ZEB1: variants seen among roughly 807,000 people sequenced by gnomAD.
The protein encoded by ZEB1 is zinc finger E-box-binding homeobox 1.
Under a neutral mutation model 84.9 loss-of-function variants are expected in ZEB1, and 21 were observed. The ratio of observed to expected loss-of-function variants is 0.25; its 90% CI spans 0.18 to 0.36. The LOEUF is 0.36. Among genes scored for constraint, ZEB1 ranks in the 10% least tolerant of loss-of-function variants. The probability of loss-of-function intolerance (pLI) is 1.00; values close to 1 mark genes in which losing one functional copy is unlikely to be tolerated. For synonymous variants in ZEB1, 420 were observed against 471.1 expected (o/e 0.89, Z 1.41); for missense variants, 1,104 against 1,330.2 (o/e 0.83, Z 2.65).
At chr10:31,355,827 A>G (rs1253916770) in intron 1 of ZEB1, among the ~76,000 whole-genome samples, 2 of 152,176 alleles carry the variant, frequency 1.3e-5, no homozygotes, top group East Asian at 1.9e-4. Context: ...TTTTTGACCT[A>G]TATCCTAAGG....
intron 1 of ZEB1, among the ~76,000 whole-genome samples, chr10:31,391,231 T>TGTGTG (rs2049615056): frequency 7.4e-6 from 1 of 134,690 alleles, no homozygotes; most frequent in Non-Finnish European, 1.6e-5. Context: ...ACAGGTAAGT[T>TGTGTG]TGTGTGTGTG....
At chr10:31,426,610 G>A (rs1359701511) in intron 1 of ZEB1, among the ~76,000 whole-genome samples, 1 of 152,106 alleles carries the variant, frequency 6.6e-6, no homozygotes, top group Non-Finnish European at 1.5e-5. Context: ...ACTGTTCCTA[G>A]TGCACAAGCT....
At chr10:31,426,711 T>C (rs2056975246) in intron 1 of ZEB1, among the ~76,000 whole-genome samples, 1 of 152,108 alleles carries the variant, frequency 6.6e-6, no homozygotes, top group South Asian at 2.1e-4. Flanking sequence ...CAGAAATCTC[T>C]AGTTTGAATT....
chr10:31,456,359 AC>A (rs1228090425), intron 1 of ZEB1, among the ~76,000 whole-genome samples: 2 of 152,098 alleles, frequency 1.3e-5, no homozygotes, highest in African/African-American at 4.8e-5. Flanking sequence ...TACCTATGTA[AC>A]CTGCACGTTC....
intron 4 of ZEB1, among the ~76,000 whole-genome samples, chr10:31,510,164 G>A (rs527452675): frequency 1.3e-5 from 2 of 152,208 alleles, no homozygotes; most frequent in East Asian, 3.9e-4. Flanking sequence ...GAAACATAGT[G>A]TGTGTGTACT....
intron 1 of ZEB1, among the ~76,000 whole-genome samples, chr10:31,455,349 T>C (rs1033731320): frequency 1.3e-5 from 2 of 152,160 alleles, no homozygotes; most frequent in African/African-American, 2.4e-5. Context: ...GTCATAGGCA[T>C]GGGCAAAGAC....
intron 1 of ZEB1, among the ~76,000 whole-genome samples, chr10:31,330,304 G>A (rs2036476088): frequency 6.6e-6 from 1 of 152,176 alleles, no homozygotes; most frequent in African/African-American, 2.4e-5. Context: ...AGGAACACAA[G>A]TCCTACTTCC....
intron 4 of ZEB1, among the ~76,000 whole-genome samples, chr10:31,503,992 A>C (rs1436780167): frequency 7.2e-6 from 1 of 138,234 alleles, no homozygotes; most frequent in East Asian, 1.9e-4. Context: ...GCAGATATTC[A>C]CTCTGTTGTT....
chr10:31,404,062 A>G (rs1480145582), intron 1 of ZEB1, among the ~76,000 whole-genome samples: 2 of 152,104 alleles, frequency 1.3e-5, no homozygotes, highest in Non-Finnish European at 2.9e-5. Context: ...CAAGTTATAA[A>G]GATTCAGTAT....
chr10:31,493,928 CAAAT>C (rs2066886112), intron 2 of ZEB1, among the ~76,000 whole-genome samples: 1 of 151,910 alleles, frequency 6.6e-6, no homozygotes, highest in Non-Finnish European at 1.5e-5. Flanking sequence ...AATGAAGAAA[CAAAT>C]AAATTAATCA....
In ZEB1 at chr10:31,409,923, GT is replaced by G. The variant is rs1182425628; in HGVS notation, c.59-51110del. Among the ~76,000 whole-genome samples, 5 of 152,320 alleles carry G rather than the reference GT, an allele frequency of 3.3e-5. No individual in the cohort carries two copies. In the East Asian group the frequency reaches 9.6e-4, roughly 29 times the overall value. The stretch of plus-strand genomic sequence containing the variant: ...GGAGATTTGGGGCTGAGACAATGAG[GT>G]TTTCTAAATATGCAATCATGTCATC... On this transcript the variant is annotated intron_variant, in intron 1 of 8. Transcript: ENST00000424869.
At chr10:31,438,965 CATT>C (rs2136436730) in intron 1 of ZEB1, among the ~76,000 whole-genome samples, 1 of 152,312 alleles carries the variant, frequency 6.6e-6, no homozygotes, top group African/African-American at 2.4e-5. Flanking sequence ...CCACTAGCAA[CATT>C]ATGCTGAAAA....
chr10:31,434,812 A>G (rs1260280915), intron 1 of ZEB1, among the ~76,000 whole-genome samples: 1 of 152,218 alleles, frequency 6.6e-6, no homozygotes, highest in East Asian at 1.9e-4. Context: ...AAGAGCATCA[A>G]TAAAGCAGCA....
intron 1 of ZEB1, among the ~76,000 whole-genome samples, chr10:31,376,733 A>G (rs1250773795): frequency 2.0e-5 from 3 of 151,644 alleles, no homozygotes; most frequent in African/African-American, 7.2e-5. Context: ...TATCTTGTGG[A>G]AAAATATATT....
chr10:31,333,701 A>G (rs2037324969), intron 1 of ZEB1, among the ~76,000 whole-genome samples: 2 of 152,118 alleles, frequency 1.3e-5, no homozygotes, highest in Non-Finnish European at 2.9e-5. Flanking sequence ...AGCAGCAATA[A>G]GTGCAAATAT....
chr10:31,495,469 A>G (rs2067087626), intron 2 of ZEB1, among the ~76,000 whole-genome samples: 1 of 152,046 alleles, frequency 6.6e-6, no homozygotes, highest in Non-Finnish European at 1.5e-5. Flanking sequence ...AAACAGCTTT[A>G]CTTTTCAAGG....
chr10:31,361,087 A>G, intron 1 of ZEB1: 1 of 1,611,952 alleles, frequency 6.2e-7, no homozygotes, highest in Non-Finnish European at 8.5e-7. Context: ...TAAGACTTAC[A>G]AATTACAAGA....
chr10:31,322,927 A>C (rs2034507310), intron 1 of ZEB1, among the ~76,000 whole-genome samples: 1 of 152,148 alleles, frequency 6.6e-6, no homozygotes, highest in East Asian at 1.9e-4. Flanking sequence ...GTAGCATCAT[A>C]AGTCTCTCTA....
intron 5 of ZEB1, among the ~76,000 whole-genome samples, chr10:31,514,293 C>G (rs1478555675): frequency 6.6e-6 from 1 of 151,978 alleles, no homozygotes; most frequent in African/African-American, 2.4e-5. Flanking sequence ...TTTATTTTTA[C>G]TAATTTTGAA....
Sources: allele counts gnomAD v4.1 joint callset (sites outside exome capture counted in the v4.1 genomes callset), GRCh38; gene constraint gnomAD v4.1.1; transcripts MANE v1.5; gene names NCBI Gene and HGNC (gene_info 2026-07-23, HGNC 2026-07-21).